MTNAP1: variants seen among roughly 807,000 people sequenced by gnomAD.
The protein encoded by MTNAP1 is mitochondrial nucleoid associated protein 1, also known as mitochondrial nucleoid-associated protein 1.
chr17:73,235,102 G>C, the MTNAP1 span, among the ~76,000 whole-genome samples: 1 of 135,510 alleles, frequency 7.4e-6, no homozygotes, highest in Admixed American at 7.5e-5. Flanking sequence ...TGCCCCTGTA[G>C]TCCCAACTAC....
the MTNAP1 span, chr17:73,235,723 T>C: frequency 6.2e-7 from 1 of 1,614,156 alleles, no homozygotes; most frequent in Non-Finnish European, 8.5e-7. Flanking sequence ...AAATTCTAAG[T>C]TGGTGGTGGA....
the MTNAP1 span, chr17:73,248,649 A>C: frequency 9.2e-7 from 1 of 1,083,810 alleles, no homozygotes; most frequent in Non-Finnish European, 1.4e-6. Flanking sequence ...TCCATGCTTG[A>C]GAGGACGTAT....
At chr17:73,244,222 A>G in the MTNAP1 span, among the ~76,000 whole-genome samples, 1 of 152,186 alleles carries the variant, frequency 6.6e-6, no homozygotes, top group Non-Finnish European at 1.5e-5. Flanking sequence ...AAATATCAGC[A>G]TTTTTGTATA....
the MTNAP1 span, chr17:73,235,475 G>A: frequency 6.3e-7 from 1 of 1,595,646 alleles, no homozygotes; most frequent in Non-Finnish European, 8.5e-7. Context: ...ACCTTTTTCA[G>A]GAATAGGATG....
At chr17:73,242,829 A>T in the MTNAP1 span, 1 of 1,294,544 alleles carries the variant, frequency 7.7e-7, no homozygotes, top group Non-Finnish European at 1.1e-6. Context: ...GGAAAACTTG[A>T]ATGACTCGCG....
the MTNAP1 span, chr17:73,247,499 TATAA>T: frequency 1.5e-6 from 1 of 651,914 alleles, no homozygotes; most frequent in Non-Finnish European, 2.7e-6. Context: ...GTATCACTGC[TATAA>T]ATAAAGTAGT....
the MTNAP1 span, chr17:73,248,828 G>A: frequency 2.9e-6 from 1 of 347,850 alleles, no homozygotes; most frequent in African/African-American, 2.1e-5. Flanking sequence ...TTTTTCTAAT[G>A]CACATTAAAA....
the MTNAP1 span, among the ~76,000 whole-genome samples, chr17:73,240,669 T>A: frequency 1.3e-5 from 2 of 152,226 alleles, no homozygotes; most frequent in African/African-American, 2.4e-5. Context: ...GGAAGCCAAC[T>A]CATTCCTTTG....
At chr17:73,240,421 G>T in the MTNAP1 span, among the ~76,000 whole-genome samples, 1 of 152,200 alleles carries the variant, frequency 6.6e-6, no homozygotes, top group South Asian at 2.1e-4. Context: ...AGAGGAGAGA[G>T]ACCCTAGGAT....
the MTNAP1 span, among the ~76,000 whole-genome samples, chr17:73,234,639 C>T: frequency 1.4e-5 from 2 of 139,426 alleles, no homozygotes; most frequent in Admixed American, 7.7e-5. Flanking sequence ...TTCAGTGAGC[C>T]GACACTGCAC....
At chr17:73,245,364 G>C in the MTNAP1 span, 13 of 1,350,454 alleles carry the variant, frequency 9.6e-6, no homozygotes, top group Non-Finnish European at 1.2e-5. Context: ...GGAAGTAAAC[G>C]TATTATTAAT....
the MTNAP1 span, among the ~76,000 whole-genome samples, chr17:73,243,546 GTCT>G: frequency 9.5e-4 from 136 of 142,420 alleles, no homozygotes; most frequent in African/African-American, 3.0e-3. Flanking sequence ...ATTTCATGTT[GTCT>G]TTTTTTTTTT....
the MTNAP1 span, chr17:73,232,965 C>G: frequency 8.1e-6 from 1 of 123,408 alleles, no homozygotes; most frequent in Non-Finnish European, 1.8e-5. Flanking sequence ...AGAATCAGAA[C>G]AGCTTTCAGG....
At chr17:73,238,940 GT>G in the MTNAP1 span, among the ~76,000 whole-genome samples, 2 of 123,358 alleles carry the variant, frequency 1.6e-5, no homozygotes, top group Non-Finnish European at 3.5e-5. Context: ...TGTGTGTTTT[GT>G]TTTTTTGTTT....
the MTNAP1 span, chr17:73,235,872 T>C: frequency 6.2e-7 from 1 of 1,614,056 alleles, no homozygotes; most frequent in Non-Finnish European, 8.5e-7. Flanking sequence ...AACCAATGAC[T>C]ACTTTCCAAG....
At chr17:73,236,635 CAAGAA>C in the MTNAP1 span, 2 of 1,614,128 alleles carry the variant, frequency 1.2e-6, no homozygotes, top group Non-Finnish European at 1.7e-6. Context: ...AACATTTCTT[CAAGAA>C]AAGAAAGCAG....
the MTNAP1 span, among the ~76,000 whole-genome samples, chr17:73,241,176 G>C: frequency 6.6e-6 from 1 of 151,312 alleles, no homozygotes; most frequent in South Asian, 2.1e-4. Flanking sequence ...TTTTGTTTTT[G>C]AGGCAGAGTC....
At chr17:73,247,352 T>A in the MTNAP1 span, 1 of 1,614,074 alleles carries the variant, frequency 6.2e-7, no homozygotes, top group East Asian at 2.2e-5. Context: ...GAAGCACGTT[T>A]AAGTAGGAGA....
the MTNAP1 span, chr17:73,237,043 T>G: frequency 6.8e-7 from 1 of 1,473,114 alleles, no homozygotes; most frequent in East Asian, 2.3e-5. Context: ...CAAAATGCTC[T>G]CTCTGCCTTT....
Sources: allele counts gnomAD v4.1 joint callset (sites outside exome capture counted in the v4.1 genomes callset), GRCh38; gene constraint gnomAD v4.1.1; transcripts MANE v1.5; gene names NCBI Gene and HGNC (gene_info 2026-07-23, HGNC 2026-07-21).